USP48: variants seen among roughly 807,000 people sequenced by gnomAD.
The protein encoded by USP48 is ubiquitin specific peptidase 48, also known as ubiquitin carboxyl-terminal hydrolase 48.
USP48 carries 43 observed loss-of-function variants against 150.7 expected under a neutral mutation model. That is an observed-to-expected ratio of 0.29 (90% CI 0.22 to 0.37). The LOEUF is 0.37. Ranked by LOEUF, USP48 falls within the 10% of genes least tolerant of loss-of-function variation. The pLI is 1.00. For missense variants in USP48, 813 were observed against 1,249.6 expected, an observed-to-expected ratio of 0.65 and a Z score of 5.27; for synonymous variants, 396 against 425.9, an observed-to-expected ratio of 0.93 and a Z score of 0.86.
intron 22 of USP48, among the ~76,000 whole-genome samples, chr1:21,699,102 T>C (rs2097646716): frequency 6.6e-6 from 1 of 150,824 alleles, no homozygotes. Flanking sequence ...CAATCTCGGC[T>C]CACTGCAACC....
chr1:21,713,709 T>C (rs186888273), intron 15 of USP48, among the ~76,000 whole-genome samples: 104 of 152,188 alleles, frequency 6.8e-4, no homozygotes, highest in African/African-American at 2.2e-3. Flanking sequence ...GATATGAGAG[T>C]ATCACTGGAA....
chr1:21,715,483 T>C, intron 14 of USP48, 26 bp from the exon 15 acceptor site: 1 of 1,444,196 alleles, frequency 6.9e-7, no homozygotes, highest in Non-Finnish European at 9.7e-7. Context: ...ACAAATGATA[T>C]CTGCTGTGGT....
chr1:21,720,006 A>G (rs1281006207), intron 14 of USP48, among the ~76,000 whole-genome samples: 1 of 152,274 alleles, frequency 6.6e-6, no homozygotes, highest in African/African-American at 2.4e-5. Context: ...TTAAAGTAAT[A>G]AATTTCCTTG....
chr1:21,689,084 A>G (rs936110932), intron 24 of USP48, among the ~76,000 whole-genome samples: 3 of 151,940 alleles, frequency 2.0e-5, no homozygotes, highest in African/African-American at 7.2e-5. Context: ...GAAGTTAGGG[A>G]AAAAGTTACA....
chr1:21,756,168 A>AAT (rs1553142454), intron 3 of USP48, among the ~76,000 whole-genome samples: 3 of 151,078 alleles, frequency 2.0e-5, no homozygotes, highest in Non-Finnish European at 4.4e-5. Context: ...TGTCTTAAAA[A>AAT]AATAATAATA....
intron 1 of USP48, 52 bp downstream of exon 1, chr1:21,782,772 C>G: frequency 1.3e-6 from 2 of 1,489,546 alleles, no homozygotes; most frequent in Non-Finnish European, 8.9e-7. Flanking sequence ...CCCGCCCGGG[C>G]TTTCCAAGGT....
intron 25 of USP48, among the ~76,000 whole-genome samples, chr1:21,682,628 G>A (rs2097569049): frequency 6.6e-6 from 1 of 152,120 alleles, no homozygotes. Flanking sequence ...TGTAATCTCA[G>A]CACACTGGGA....
At chr1:21,692,875 A>T (rs1261575410) in intron 23 of USP48, among the ~76,000 whole-genome samples, 1 of 152,202 alleles carries the variant, frequency 6.6e-6, no homozygotes, top group Non-Finnish European at 1.5e-5. Flanking sequence ...CAACCAAGGC[A>T]GGGAGGCCTA....
At chr1:21,686,423 C>CT (rs1290336822) in intron 25 of USP48, 1 of 152,132 alleles carries the variant, frequency 6.6e-6, no homozygotes, top group Non-Finnish European at 1.5e-5. Flanking sequence ...AATGCTTTTT[C>CT]TTTGTCTATT....
intron 22 of USP48, among the ~76,000 whole-genome samples, chr1:21,701,130 G>A (rs1378936347): frequency 6.6e-6 from 1 of 151,054 alleles, no homozygotes; most frequent in African/African-American, 2.4e-5. Flanking sequence ...ACTTTGGGAG[G>A]CTGCGGTGGG....
chr1:21,724,904 T>C (rs1007209947), intron 11 of USP48: 1 of 152,148 alleles, frequency 6.6e-6, no homozygotes, highest in Non-Finnish European at 1.5e-5. Flanking sequence ...CCAGCTTTGA[T>C]TACTTACAAA....
At chr1:21,719,849 A>G (rs1315628275) in intron 14 of USP48, among the ~76,000 whole-genome samples, 1 of 152,202 alleles carries the variant, frequency 6.6e-6, no homozygotes, top group Non-Finnish European at 1.5e-5. Context: ...GCGTCACTGC[A>G]CTCCAGCCTG....
intron 11 of USP48, among the ~76,000 whole-genome samples, chr1:21,725,678 G>A (rs969549768): frequency 3.3e-5 from 5 of 151,962 alleles, no homozygotes; most frequent in Admixed American, 6.6e-5. Flanking sequence ...ACTTGAACCC[G>A]GGACGCGGAG....
rs746222258 is a variant in USP48, at chr1:21,715,473, A to T, written c.1895-16T>A. On this transcript the variant is annotated splice_polypyrimidine_tract_variant and intron_variant, in intron 14 of 26. Transcript: ENST00000308271. The stretch of plus-strand genomic sequence containing the variant: ...TTTGATTCATCTAATCAAAAGAAAT[A>T]CAAATGATATCTGCTGTGGTTATTG... 6.7e-7 allele frequency: 1 copy of T among 1,497,118 alleles called. No homozygotes were observed. The highest frequency in any genetic ancestry group is 9.3e-7 in the Non-Finnish European group (1 of 1,076,936). 92.7% of individuals were successfully genotyped at this position (1,497,118 alleles called of 1,614,324 possible). A position where few individuals can be genotyped will look rare whatever the true frequency, so the allele number is the denominator to read the frequency against.
Position 21,704,278 on chromosome 1 carries a change from C to T in USP48, c.2499G>A (p.Gln833=). ...AAAACTTACTGGGCTCAGAAATATACTGTGTTTCTGAAGGGTTTACATCTC... is the reference window on the plus strand; with the variant it reads ...AAAACTTACTGGGCTCAGAAATATATTGTGTTTCTGAAGGGTTTACATCTC... The part of the protein sequence containing the change: ...EVGDVNPSET[Q]YISEPKLCPE... Residue 833 remains glutamine, a synonymous_variant, in exon 20 of 27, where the codon CAG becomes CAA. Coordinates refer to ENST00000308271, the MANE Select transcript of USP48 (RefSeq NM_032236.8). 1.9e-6 allele frequency: 3 copies of T among 1,612,292 alleles called. No homozygotes were observed. The highest frequency in any genetic ancestry group is 1.7e-4 in the Middle Eastern group (1 of 6,054).
intron 8 of USP48, among the ~76,000 whole-genome samples, chr1:21,742,572 AAAAAGAAAAAG>A (rs1179561421): frequency 6.7e-6 from 1 of 149,618 alleles, no homozygotes; most frequent in Non-Finnish European, 1.5e-5. Context: ...AAAGAAAAAG[AAAAAGAAAAAG>A]AAAAGAAAAG....
chr1:21,701,705 C>T, intron 21 of USP48, 103 bp from the exon 22 acceptor site: 1 of 791,854 alleles, frequency 1.3e-6, no homozygotes, highest in Non-Finnish European at 2.1e-6. Context: ...AGACGAGGAA[C>T]ACCTTTATCA....
At chr1:21,758,185 A>AC (rs2097841590) in intron 1 of USP48, among the ~76,000 whole-genome samples, 2 of 141,448 alleles carry the variant, frequency 1.4e-5, no homozygotes, top group East Asian at 2.1e-4. Context: ...GCAACTGTAA[A>AC]ACACACACAC....
chr1:21,756,009 T>C lies in USP48; in HGVS notation c.412+537A>G, dbSNP rs180984871. On this transcript the variant is annotated intron_variant, in intron 3 of 26. Transcript: ENST00000308271. The stretch of plus-strand genomic sequence containing the variant: ...GGAGAAACCCCGTCTCTACTAAAAA[T>C]ACAAAATTAGCCGGGCGTGGTGGTG... 2.2e-4 allele frequency among the ~76,000 whole-genome samples: 34 copies of C among 151,726 alleles called. No homozygotes were observed. In the East Asian group the frequency reaches 4.5e-3, roughly 20 times the overall value.
Sources: gnomAD v4.1 joint callset for allele counts (sites outside exome capture counted in the v4.1 genomes callset) on GRCh38, gnomAD v4.1.1 for gene constraint, MANE v1.5 for transcripts, NCBI Gene and HGNC (gene_info 2026-07-23, HGNC 2026-07-21) for gene names.